IKBKB: variants seen among roughly 807,000 people sequenced by gnomAD.
IKBKB encodes the protein inhibitor of nuclear factor kappa-B kinase subunit beta.
A neutral mutation model predicts 113.6 loss-of-function variants in IKBKB; 42 were observed. That is an observed-to-expected ratio of 0.37 (90% CI 0.29 to 0.48). The LOEUF (loss-of-function observed/expected upper bound fraction) is 0.48. Ranked by LOEUF, IKBKB falls within the 20% of genes least tolerant of loss-of-function variation. The pLI is 0.99. For synonymous variants in IKBKB, 296 were observed against 361.3 expected, an observed-to-expected ratio of 0.82 and a Z score of 2.05; for missense variants, 673 against 939.7, an observed-to-expected ratio of 0.72 and a Z score of 3.71.
At chr8:42,329,796 T>C (rs1228575700) in intron 21 of IKBKB, 1 of 985,294 alleles carries the variant, frequency 1.0e-6, no homozygotes, top group Non-Finnish European at 1.2e-6. Context: ...ATGAGAAAAC[T>C]AGCCAAGTTA....
chr8:42,274,793 C>A lies in IKBKB; in HGVS notation c.105+2588C>A, dbSNP rs867599414. On this transcript the variant is annotated intron_variant, in intron 2 of 21. Coordinates refer to ENST00000520810, the MANE Select transcript of IKBKB (RefSeq NM_001556.3). Reference sequence around the variant, plus strand: ...GGTGATCCCCGCCGGCGCGCCCCCCCCCCCCCCCGCCATCCCAGCCTCCCA... The same window carrying A: ...GGTGATCCCCGCCGGCGCGCCCCCCACCCCCCCCGCCATCCCAGCCTCCCA... Among the ~76,000 whole-genome samples, 20 of 79,688 alleles carry A rather than the reference C, an allele frequency of 2.5e-4. 3 individuals carry two copies. Among genetic ancestry groups the A allele is most frequent in the South Asian group, 4.1e-4 (1 of 2,410 alleles). 52.3% of individuals were successfully genotyped at this position (79,688 alleles called of 152,430 possible).
chr8:42,314,081 A>G (rs1031420970), intron 8 of IKBKB: 16 of 487,230 alleles, frequency 3.3e-5, no homozygotes, highest in African/African-American at 2.9e-4. Context: ...ATATGTTTAG[A>G]TACACCAATA....
chr8:42,325,795 T>G, intron 19 of IKBKB, 175 bp from the exon 20 acceptor site: 1 of 1,454,356 alleles, frequency 6.9e-7, no homozygotes, highest in Non-Finnish European at 9.0e-7. Context: ...GAAACACTTT[T>G]GAAGCCAGAT....
Position 42,309,220 on chromosome 8 carries a change from A to G in IKBKB, c.692+195A>G, listed in dbSNP as rs980505766. Reference sequence around the variant, plus strand: ...CCAAGGACCTGTTAATAGATAGAGTAGCTGTTAAGTCTTCATGTGGATTCT... The same window carrying G: ...CCAAGGACCTGTTAATAGATAGAGTGGCTGTTAAGTCTTCATGTGGATTCT... On this transcript the variant is annotated intron_variant, in intron 8 of 21. Transcript: ENST00000520810. Among the ~76,000 whole-genome samples, 2 of 152,250 alleles carry G rather than the reference A, an allele frequency of 1.3e-5. 1 individual carries two copies. The highest frequency in any genetic ancestry group is 4.1e-4 in the South Asian group (2 of 4,836).
chr8:42,291,390 C>T (rs1248953664), intron 4 of IKBKB, among the ~76,000 whole-genome samples: 2 of 152,158 alleles, frequency 1.3e-5, no homozygotes, highest in African/African-American at 4.8e-5. Flanking sequence ...CCACATCAGC[C>T]AGGCTGGTCT....
intron 2 of IKBKB, 66 bp downstream of exon 2, chr8:42,272,271 C>G (rs1807943694): frequency 1.4e-5 from 23 of 1,608,562 alleles, no homozygotes; most frequent in Non-Finnish European, 2.0e-5. Context: ...CCTCCACTTT[C>G]TCTGATCCTG....
intron 2 of IKBKB, among the ~76,000 whole-genome samples, chr8:42,283,152 A>G (rs1397445965): frequency 6.6e-6 from 1 of 152,230 alleles, no homozygotes; most frequent in Non-Finnish European, 1.5e-5. Context: ...GCTGTGTATC[A>G]GGTCCAGTGT....
At chr8:42,310,152 CAGTT>C (rs1173390626) in intron 8 of IKBKB, among the ~76,000 whole-genome samples, 1 of 152,180 alleles carries the variant, frequency 6.6e-6, no homozygotes, top group Non-Finnish European at 1.5e-5. Context: ...TCCCCCAAAT[CAGTT>C]AGATTTCATT....
rs1046213152 is a variant in IKBKB at position 42,290,198 on chromosome 8, G to A, written c.243G>A (p.Glu81=). ...PNVVAARDVP[E]GMQNLAPNDL... Reference sequence around the variant, plus strand: ...TGGTGGCTGCCCGAGATGTCCCTGAGGGGATGCAGAACTTGGCGCCCAATG... The same window carrying A: ...TGGTGGCTGCCCGAGATGTCCCTGAAGGGATGCAGAACTTGGCGCCCAATG... The change falls in exon 4 of 22, where the codon GAG becomes GAA. Residue 81 remains glutamate, a synonymous_variant. Coordinates refer to ENST00000520810, the MANE Select transcript of IKBKB (RefSeq NM_001556.3). 6.2e-7 allele frequency: 1 copy of A among 1,613,922 alleles called. No homozygotes were observed. Among genetic ancestry groups the A allele is most frequent in the Non-Finnish European group, 8.5e-7 (1 of 1,179,938 alleles).
chr8:42,284,092 C>G (rs188060649), intron 2 of IKBKB, among the ~76,000 whole-genome samples: 8 of 152,320 alleles, frequency 5.3e-5, no homozygotes, highest in Admixed American at 5.2e-4. Flanking sequence ...CTCAGTGCTG[C>G]TATCACAGAG....
chr8:42,287,613 G>A (rs1020081337), intron 2 of IKBKB, among the ~76,000 whole-genome samples: 5 of 152,206 alleles, frequency 3.3e-5, no homozygotes, highest in East Asian at 1.9e-4. Context: ...AGGAGTACTC[G>A]GATGACCTGG....
chr8:42,272,939 C>CAAAAAA (rs71221204), intron 2 of IKBKB, among the ~76,000 whole-genome samples: 2 of 51,572 alleles, frequency 3.9e-5, no homozygotes, highest in African/African-American at 6.7e-5. Context: ...GACTCCGTCT[C>CAAAAAA]AAAAAAAAAA....
chr8:42,325,546 G>T, intron 19 of IKBKB: 1 of 606,312 alleles, frequency 1.6e-6, no homozygotes, highest in East Asian at 1.4e-4. Context: ...GGGTGTAGTG[G>T]CACACACCTG....
chr8:42,326,650 A>G (rs1289190358), intron 20 of IKBKB, among the ~76,000 whole-genome samples: 1 of 152,204 alleles, frequency 6.6e-6, no homozygotes, highest in Non-Finnish European at 1.5e-5. Flanking sequence ...TTAGTCAGTC[A>G]TAAATAACAG....
At chr8:42,277,061 G>A (rs992121641) in intron 2 of IKBKB, among the ~76,000 whole-genome samples, 2 of 151,300 alleles carry the variant, frequency 1.3e-5, no homozygotes, top group African/African-American at 2.4e-5. Flanking sequence ...TAGTAGAGAT[G>A]GGGTTTCACT....
intron 8 of IKBKB, chr8:42,313,905 G>T (rs1295043098): frequency 5.8e-6 from 1 of 171,200 alleles, no homozygotes; most frequent in African/African-American, 2.4e-5. Flanking sequence ...CTGTATAGTT[G>T]TAAACTTATA....
rs200976432 is a variant in IKBKB, at chr8:42,331,277, C to T, written c.*298C>T. Reference sequence around the variant, plus strand: ...GAGGTCCTCCATTACAGAGGCCCAGCGCACATCGCTGGCCCCACAAACGTT... The same window carrying T: ...GAGGTCCTCCATTACAGAGGCCCAGTGCACATCGCTGGCCCCACAAACGTT... On this transcript the variant is annotated 3_prime_UTR_variant, in exon 22 of 22. Transcript: ENST00000520810. 22 of 702,118 alleles carry T rather than the reference C, an allele frequency of 3.1e-5. No individual in the cohort carries two copies. In the East Asian group the frequency reaches 3.5e-4, roughly 11 times the overall value. 43.5% of individuals were successfully genotyped at this position (702,118 alleles called of 1,614,324 possible).
In IKBKB at chr8:42,316,167, T is replaced by G. The variant is rs1818644985; in HGVS notation, c.801-43T>G. 1 of 1,607,404 alleles carries G rather than the reference T, an allele frequency of 6.2e-7. No individual in the cohort carries two copies. The highest frequency in any genetic ancestry group is 1.3e-5 in the African/African-American group (1 of 74,786). ...GGGAGACGCACACTGTAGCCCAACA[T>G]TGGCTGGAAGTGTCTCCTCACACAC... On this transcript the variant is annotated intron_variant, in intron 9 of 21. Transcript: ENST00000520810. The surrounding 1 kb of genome is among the most constrained non-coding windows in gnomAD (Gnocchi z 4.5).
intron 8 of IKBKB, among the ~76,000 whole-genome samples, chr8:42,311,563 C>CAAAAAA (rs56282608): frequency 8.8e-6 from 1 of 114,072 alleles, no homozygotes; most frequent in South Asian, 2.9e-4. Context: ...TCCATCTTAC[C>CAAAAAA]AAAAAAAAAA....
Sources: gnomAD v4.1 joint callset for allele counts (sites outside exome capture counted in the v4.1 genomes callset) on GRCh38, gnomAD v4.1.1 for gene constraint, Gnocchi (gnomAD v3.1) non-coding constraint, MANE v1.5 for transcripts, NCBI Gene and HGNC (gene_info 2026-07-23, HGNC 2026-07-21) for gene names.